GRIN3A: variants seen among roughly 807,000 people sequenced by gnomAD.
GRIN3A encodes the protein glutamate ionotropic receptor NMDA type subunit 3A.
Under a neutral mutation model 92.4 loss-of-function variants are expected in GRIN3A, and 47 were observed. The ratio of observed to expected loss-of-function variants is 0.51; its 90% CI spans 0.40 to 0.65. The LOEUF is 0.65. GRIN3A is among the 30% of genes least tolerant of loss of function. The pLI, the probability that GRIN3A is intolerant of heterozygous loss-of-function variation, is 0.00. For missense variants in GRIN3A, 1,324 were observed against 1,393.1 expected, an observed-to-expected ratio of 0.95 and a Z score of 0.79; for synonymous variants, 527 against 540.6, an observed-to-expected ratio of 0.97 and a Z score of 0.35.
At chr9:101,696,145 T>A (rs984354180) in intron 1 of GRIN3A, among the ~76,000 whole-genome samples, 2 of 152,194 alleles carry the variant, frequency 1.3e-5, no homozygotes, top group South Asian at 2.1e-4. Context: ...AGATCCGGAC[T>A]CTTGTCAGGA....
At position 101,574,207 on chromosome 9, in the gene GRIN3A, G is replaced by T. The variant is rs576041817; in HGVS notation, c.3009-694C>A. Among the ~76,000 whole-genome samples, 6 of 152,258 alleles carry T rather than the reference G, an allele frequency of 3.9e-5. No individual in the cohort carries two copies. In the South Asian group the frequency reaches 1.2e-3, roughly 32 times the overall value. On this transcript the variant is annotated intron_variant, in intron 8 of 8. Coordinates refer to ENST00000361820, the MANE Select transcript of GRIN3A (RefSeq NM_133445.3). ...TGCAATCCTGTTTTAGGCTTGCATC[G>T]TATCACCTACTACCATCATGGAGAG...
intron 5 of GRIN3A, among the ~76,000 whole-genome samples, chr9:101,618,257 G>A (rs1338426851): frequency 6.7e-6 from 1 of 149,802 alleles, no homozygotes; most frequent in East Asian, 1.9e-4. Context: ...GAGTGAACAG[G>A]CAACCTACAA....
At position 101,623,235 on chromosome 9, in the gene GRIN3A, C is replaced by A. The variant is rs189638230; in HGVS notation, c.2614+83G>T. The A allele has an allele frequency of 1.1e-5, 10 of 881,482 alleles. No individual in the cohort carries two copies. In the East Asian group the frequency reaches 1.9e-4, roughly 17 times the overall value. The allele number at this position is 881,482 out of a possible 1,614,324, so 54.6% of individuals were successfully genotyped here. ...AGGGAAGATGAATAGCTCTTTGCTT[C>A]TGACTTTGGCATTTGTGACTTTCTA... On this transcript the variant is annotated intron_variant, in intron 5 of 8. Coordinates refer to ENST00000361820, the MANE Select transcript of GRIN3A (RefSeq NM_133445.3).
chr9:101,602,545 G>A (rs1002730185), intron 6 of GRIN3A, among the ~76,000 whole-genome samples: 25 of 152,172 alleles, frequency 1.6e-4, no homozygotes, highest in African/African-American at 5.1e-4. Flanking sequence ...ATCAGTTTTA[G>A]CACCGTTCAT....
chr9:101,617,136 C>G lies in GRIN3A; in HGVS notation c.2615-3609G>C, dbSNP rs569134134. Among the ~76,000 whole-genome samples, 19 of 144,564 alleles carry G rather than the reference C, an allele frequency of 1.3e-4. No individual in the cohort carries two copies. In the East Asian group the frequency reaches 3.9e-3, roughly 30 times the overall value. The allele number at this position is 144,564 out of a possible 152,430, so 94.8% of individuals were successfully genotyped here. A position where few individuals can be genotyped will look rare whatever the true frequency, so the allele number is the denominator to read the frequency against. ...AATGGCGTGAACCCGGGAAGCGGAG[C>G]TTGCAGTGAGCCGAGATTGCGCCAC... On this transcript the variant is annotated intron_variant, in intron 5 of 8. Coordinates refer to ENST00000361820, the MANE Select transcript of GRIN3A (RefSeq NM_133445.3).
intron 3 of GRIN3A, among the ~76,000 whole-genome samples, chr9:101,660,732 G>A (rs1829161888): frequency 6.6e-6 from 1 of 151,644 alleles, no homozygotes. Flanking sequence ...TCCAATGCCA[G>A]ATTGTCCTTT....
chr9:101,629,913 TCTA>T (rs1184695614), intron 3 of GRIN3A, among the ~76,000 whole-genome samples: 1 of 152,232 alleles, frequency 6.6e-6, no homozygotes, highest in Admixed American at 6.5e-5. Context: ...TGTGCTATTA[TCTA>T]CTACATCATC....
intron 5 of GRIN3A, 103 bp from the exon 6 acceptor site, chr9:101,613,630 C>A: frequency 1.9e-6 from 2 of 1,080,520 alleles, no homozygotes; most frequent in South Asian, 1.3e-5. Context: ...AAAAAAAGGG[C>A]GTGATGAGTT....
intron 1 of GRIN3A, among the ~76,000 whole-genome samples, chr9:101,702,133 C>T (rs1225177736): frequency 2.0e-5 from 3 of 152,070 alleles, no homozygotes; most frequent in Admixed American, 2.0e-4. Flanking sequence ...GAAGCTCTGT[C>T]TCTACTAAAA....
intron 2 of GRIN3A, among the ~76,000 whole-genome samples, chr9:101,675,952 A>T (rs1159002632): frequency 6.6e-6 from 1 of 151,986 alleles, no homozygotes; most frequent in Non-Finnish European, 1.5e-5. Flanking sequence ...TCCACTACAA[A>T]TAATGTTGCC....
At chr9:101,614,269 C>G (rs1286605290) in intron 5 of GRIN3A, among the ~76,000 whole-genome samples, 2 of 152,082 alleles carry the variant, frequency 1.3e-5, no homozygotes, top group Non-Finnish European at 2.9e-5. Context: ...AGTCCATTCC[C>G]AAAGATCTCC....
At chr9:101,699,586 C>G (rs1393351689) in intron 1 of GRIN3A, among the ~76,000 whole-genome samples, 1 of 152,150 alleles carries the variant, frequency 6.6e-6, no homozygotes, top group Non-Finnish European at 1.5e-5. Context: ...TCTCAAAACA[C>G]TAAATTCATA....
At chr9:101,677,481 C>T (rs2118963823) in intron 2 of GRIN3A, among the ~76,000 whole-genome samples, 1 of 152,176 alleles carries the variant, frequency 6.6e-6, no homozygotes, top group East Asian at 1.9e-4. Context: ...CTTAAAGCAG[C>T]TCTTTGACCA....
intron 1 of GRIN3A, among the ~76,000 whole-genome samples, chr9:101,697,564 G>C (rs951015560): frequency 1.3e-5 from 2 of 152,124 alleles, no homozygotes; most frequent in Middle Eastern, 3.2e-3. Context: ...ATAACATTTG[G>C]GTTTCATCTG....
In GRIN3A at chr9:101,686,798, C is replaced by T; in HGVS notation, c.1102G>A (p.Glu368Lys). 6.2e-7 allele frequency: 1 copy of T among 1,614,202 alleles called. No homozygotes were observed. The highest frequency in any genetic ancestry group is 1.1e-5 in the South Asian group (1 of 91,074). ...GCAATGAGCCCTAAGGGCAGACCCT[C>T]TGTCCTCAGTTCCTCCACATTCTGG... ...DSQNVEELRT[E>K]GLPLGLIAHG... Residue 368 changes from glutamate (E) to lysine (K), a missense_variant, in exon 2 of 9, where the codon GAG becomes AAG. By Grantham distance (56) the Glu-to-Lys change is moderately conservative. Coordinates refer to ENST00000361820, the MANE Select transcript of GRIN3A (RefSeq NM_133445.3).
chr9:101,690,536 C>T (rs1026333972), intron 1 of GRIN3A, among the ~76,000 whole-genome samples: 2 of 152,068 alleles, frequency 1.3e-5, no homozygotes, highest in Non-Finnish European at 2.9e-5. Flanking sequence ...AGAGGAGTCA[C>T]CAAGAAGTTG....
chr9:101,639,127 T>C (rs1828820149), intron 3 of GRIN3A, among the ~76,000 whole-genome samples: 1 of 152,186 alleles, frequency 6.6e-6, no homozygotes, highest in Admixed American at 6.5e-5. Context: ...GCCTATGTTG[T>C]TGGAGTCAGT....
At position 101,646,606 on chromosome 9, in the gene GRIN3A, G is replaced by A. The variant is rs878971723; in HGVS notation, c.2353-18205C>T. On this transcript the variant is annotated intron_variant, in intron 3 of 8. Coordinates refer to ENST00000361820, the MANE Select transcript of GRIN3A (RefSeq NM_133445.3). ...TGTATTGAATTTGTAGATCACTTTG[G>A]GTAGTGGGAACATTTTAACAATATT... 4.3e-5 allele frequency among the ~76,000 whole-genome samples: 6 copies of A among 139,400 alleles called. 1 individual carries two copies. The Admixed American group carries it at 4.4e-4, about 10-fold the overall frequency. 91.5% of individuals were successfully genotyped at this position (139,400 alleles called of 152,430 possible). A position where few individuals can be genotyped will look rare whatever the true frequency, so the allele number is the denominator to read the frequency against.
chr9:101,700,574 G>T (rs1334824750), intron 1 of GRIN3A, among the ~76,000 whole-genome samples: 1 of 151,810 alleles, frequency 6.6e-6, no homozygotes, highest in Non-Finnish European at 1.5e-5. Context: ...AAGATGGTTG[G>T]GTGGAAAATA....
Sources: allele counts gnomAD v4.1 joint callset (sites outside exome capture counted in the v4.1 genomes callset), GRCh38; gene constraint gnomAD v4.1.1; transcripts MANE v1.5; gene names NCBI Gene and HGNC (gene_info 2026-07-23, HGNC 2026-07-21).